Variants in MB21D2 observed in about 807,000 individuals in gnomAD.
The protein encoded by MB21D2 is nucleotidyltransferase MB21D2.
A neutral mutation model predicts 33.3 loss-of-function variants in MB21D2; 9 were observed. The observed-to-expected ratio is 0.27, with a 90% CI of 0.16 to 0.47. MB21D2 has a LOEUF of 0.47. Among genes scored for constraint, MB21D2 ranks in the 20% least tolerant of loss-of-function variants. The pLI is 0.99. For missense variants in MB21D2, 540 were observed against 624.6 expected, an observed-to-expected ratio of 0.86 and a Z score of 1.44; for synonymous variants, 241 against 236.3, an observed-to-expected ratio of 1.02 and a Z score of -0.18.
intron 1 of MB21D2, among the ~76,000 whole-genome samples, chr3:192,904,344 A>G (rs896790470): frequency 3.3e-5 from 5 of 152,264 alleles, no homozygotes; most frequent in Non-Finnish European, 5.9e-5. Flanking sequence ...AACTTTCCTG[A>G]AAGTATTCAG....
At chr3:192,849,316 T>TTGGGGG (rs1394136617) in intron 1 of MB21D2, among the ~76,000 whole-genome samples, 1 of 92,202 alleles carries the variant, frequency 1.1e-5, no homozygotes, top group Admixed American at 1.3e-4. Flanking sequence ...TCTCTTTTTT[T>TTGGGGG]GGGGGGGGGG....
intron 1 of MB21D2, among the ~76,000 whole-genome samples, chr3:192,895,861 T>G (rs1713960051): frequency 6.6e-6 from 1 of 152,066 alleles, no homozygotes; most frequent in Admixed American, 6.6e-5. Context: ...GCCTCTCAAG[T>G]AGCTGGGACT....
intron 1 of MB21D2, among the ~76,000 whole-genome samples, chr3:192,812,683 C>G (rs1711814466): frequency 6.6e-6 from 1 of 152,166 alleles, no homozygotes; most frequent in Non-Finnish European, 1.5e-5. Flanking sequence ...ACTGTAACTA[C>G]ACAGACACGT....
At chr3:192,869,932 T>C (rs1201605982) in intron 1 of MB21D2, among the ~76,000 whole-genome samples, 2 of 152,154 alleles carry the variant, frequency 1.3e-5, no homozygotes, top group Non-Finnish European at 2.9e-5. Flanking sequence ...ATTACAGCCA[T>C]GCAGAGCAAT....
intron 1 of MB21D2, among the ~76,000 whole-genome samples, chr3:192,881,006 T>C (rs1457182793): frequency 2.0e-5 from 3 of 152,100 alleles, no homozygotes; most frequent in Non-Finnish European, 1.5e-5. Context: ...CATCTATATA[T>C]AAATACATAT....
chr3:192,889,017 C>T (rs796417970), intron 1 of MB21D2, among the ~76,000 whole-genome samples: 21 of 152,118 alleles, frequency 1.4e-4, no homozygotes, highest in African/African-American at 5.1e-4. Flanking sequence ...ATATGCATGA[C>T]AGGGAGCCAG....
At chr3:192,812,173 G>T (rs1381412312) in intron 1 of MB21D2, among the ~76,000 whole-genome samples, 2 of 151,770 alleles carry the variant, frequency 1.3e-5, no homozygotes, top group Admixed American at 1.3e-4. Context: ...TCAGCCTCCC[G>T]AGTAGCTGGG....
chr3:192,816,214 T>A (rs1474160175), intron 1 of MB21D2, among the ~76,000 whole-genome samples: 1 of 106,502 alleles, frequency 9.4e-6, no homozygotes, highest in Non-Finnish European at 1.8e-5. Context: ...AGAGGACAAT[T>A]TTTTTTTTTA....
chr3:192,904,514 C>T (rs931673400), intron 1 of MB21D2, among the ~76,000 whole-genome samples: 4 of 152,228 alleles, frequency 2.6e-5, no homozygotes, highest in Admixed American at 6.5e-5. Context: ...ACCCTCGGCC[C>T]CGGGCCCTTG....
At chr3:192,806,432 T>A (rs1239907402) in intron 1 of MB21D2, among the ~76,000 whole-genome samples, 1 of 152,160 alleles carries the variant, frequency 6.6e-6, no homozygotes, top group Non-Finnish European at 1.5e-5. Flanking sequence ...TGTATTTGAT[T>A]GAAAAATAGC....
chr3:192,898,023 A>G (rs1372111326), intron 1 of MB21D2, among the ~76,000 whole-genome samples: 1 of 152,136 alleles, frequency 6.6e-6, no homozygotes, highest in Admixed American at 6.6e-5. Flanking sequence ...CTGAGAGACC[A>G]CATGGGCATG....
chr3:192,814,704 A>T (rs1216437587), intron 1 of MB21D2, among the ~76,000 whole-genome samples: 1 of 151,944 alleles, frequency 6.6e-6, no homozygotes, highest in Admixed American at 6.6e-5. Flanking sequence ...CTACTAAAAA[A>T]AATACAAAAA....
intron 1 of MB21D2, among the ~76,000 whole-genome samples, chr3:192,819,799 C>T (rs1712005519): frequency 6.6e-6 from 1 of 152,198 alleles, no homozygotes. Context: ...ACTTGTTCAA[C>T]TATTTTTACC....
intron 1 of MB21D2, among the ~76,000 whole-genome samples, chr3:192,874,511 C>T (rs990066861): frequency 6.6e-6 from 1 of 152,280 alleles, no homozygotes; most frequent in East Asian, 1.9e-4. Flanking sequence ...TTCCCAATTC[C>T]AGCCCTATCC....
intron 1 of MB21D2, among the ~76,000 whole-genome samples, chr3:192,827,719 C>CTA (rs1712207425): frequency 2.2e-5 from 2 of 89,740 alleles, no homozygotes; most frequent in South Asian, 6.9e-4. Context: ...TCTGTTCTGT[C>CTA]TACACTTAGT....
chr3:192,913,694 C>T (rs146950622), intron 1 of MB21D2, among the ~76,000 whole-genome samples: 80 of 151,982 alleles, frequency 5.3e-4, no homozygotes, highest in African/African-American at 1.8e-3. Flanking sequence ...TAGCTGGGCA[C>T]GGTGGTACAC....
At chr3:192,823,547 C>A (rs112094009) in intron 1 of MB21D2, among the ~76,000 whole-genome samples, 1 of 152,028 alleles carries the variant, frequency 6.6e-6, no homozygotes, top group Non-Finnish European at 1.5e-5. Context: ...CCCAGCTACT[C>A]GGGAGGCTGA....
At chr3:192,860,630 G>A (rs1713021699) in intron 1 of MB21D2, among the ~76,000 whole-genome samples, 1 of 152,192 alleles carries the variant, frequency 6.6e-6, no homozygotes, top group African/African-American at 2.4e-5. Context: ...AATATGCAGA[G>A]ACAGTCTGCA....
intron 1 of MB21D2, among the ~76,000 whole-genome samples, chr3:192,807,771 G>A (rs1236419452): frequency 6.6e-6 from 1 of 152,148 alleles, no homozygotes; most frequent in Non-Finnish European, 1.5e-5. Context: ...GCTAGACACT[G>A]AAGAGACAAA....
Sources: allele counts gnomAD v4.1 joint callset (sites outside exome capture counted in the v4.1 genomes callset), GRCh38; gene constraint gnomAD v4.1.1; transcripts MANE v1.5; gene names NCBI Gene and HGNC (gene_info 2026-07-23, HGNC 2026-07-21).